The following CYRIB variants were observed in gnomAD, a reference collection of about 807,000 sequenced individuals.
CYRIB encodes CYFIP-related Rac1 interactor B.
In CYRIB, 8 loss-of-function variants were observed where a neutral mutation model predicts 44.2. The observed-to-expected ratio is 0.18, with a 90% confidence interval of 0.11 to 0.33. The LOEUF is 0.33. Among genes scored for constraint, CYRIB ranks in the 10% least tolerant of loss-of-function variants. The probability of loss-of-function intolerance (pLI) is 1.00; values close to 1 mark genes in which losing one functional copy is unlikely to be tolerated. For missense variants in CYRIB, 185 were observed against 382.8 expected (o/e 0.48, Z 4.31); for synonymous variants, 131 against 127.2 (o/e 1.03, Z -0.20).
intron 2 of CYRIB, among the ~76,000 whole-genome samples, chr8:129,964,879 A>G (rs1371159665): frequency 6.6e-6 from 1 of 152,308 alleles, no homozygotes; most frequent in African/African-American, 2.4e-5. Flanking sequence ...AGAAATAAAG[A>G]AAAAGGAAAA....
At chr8:129,983,592 G>C (rs1260611006) in intron 1 of CYRIB, among the ~76,000 whole-genome samples, 1 of 152,278 alleles carries the variant, frequency 6.6e-6, no homozygotes, top group Non-Finnish European at 1.5e-5. Context: ...GTCACCCTGA[G>C]TGTGGCCCCA....
intron 3 of CYRIB, among the ~76,000 whole-genome samples, chr8:129,876,013 C>CTGAG (rs1303164007): frequency 6.6e-6 from 1 of 151,812 alleles, no homozygotes; most frequent in African/African-American, 2.4e-5. Flanking sequence ...ACTCGGGAGG[C>CTGAG]TGAGGTAGGA....
At chr8:129,869,986 G>C (rs559224042) in intron 4 of CYRIB, among the ~76,000 whole-genome samples, 1 of 151,798 alleles carries the variant, frequency 6.6e-6, no homozygotes, top group Admixed American at 6.6e-5. Flanking sequence ...GGTGGGGGGA[G>C]GGGGGGCGTT....
intron 1 of CYRIB, among the ~76,000 whole-genome samples, chr8:129,914,774 C>T (rs2079856176): frequency 6.6e-6 from 1 of 152,168 alleles, no homozygotes; most frequent in African/African-American, 2.4e-5. Context: ...TCTAAGATTG[C>T]TTTGCAAAAT....
intron 3 of CYRIB, among the ~76,000 whole-genome samples, chr8:129,875,286 A>G (rs2058728366): frequency 6.6e-6 from 1 of 151,978 alleles, no homozygotes; most frequent in South Asian, 2.1e-4. Context: ...TTTTTTTCAA[A>G]GACAGTTTCA....
intron 4 of CYRIB, 27 bp from the exon 7 acceptor site, chr8:129,862,361 T>A: frequency 6.5e-7 from 1 of 1,542,064 alleles, no homozygotes; most frequent in East Asian, 2.2e-5. Context: ...ATAAAAATAG[T>A]TAGAGTTAAA....
chr8:129,956,534 T>C (rs2094842490), intron 2 of CYRIB, among the ~76,000 whole-genome samples: 1 of 127,852 alleles, frequency 7.8e-6, no homozygotes, highest in Non-Finnish European at 1.8e-5. Context: ...TCTTTGTGTT[T>C]GCACACACAC....
intron 2 of CYRIB, chr8:129,902,912 G>A (rs1170755111): frequency 6.6e-6 from 1 of 152,024 alleles, no homozygotes; most frequent in Non-Finnish European, 1.5e-5. Flanking sequence ...GTAACAGATA[G>A]AATTCTTAAG....
chr8:130,014,761 C>T (rs1346144662), intron 1 of CYRIB, among the ~76,000 whole-genome samples: 2 of 152,218 alleles, frequency 1.3e-5, no homozygotes, highest in East Asian at 1.9e-4. Context: ...TGCCCTTCTC[C>T]GTGCTGTGAG....
exon 12 of CYRIB, chr8:129,839,733 C>T (rs541572209): frequency 5.3e-5 from 8 of 152,272 alleles, no homozygotes; most frequent in South Asian, 4.1e-4. Flanking sequence ...CAAAAACAGA[C>T]GGTGAGTAAA....
intron 1 of CYRIB, among the ~76,000 whole-genome samples, chr8:129,971,728 C>T (rs1046096661): frequency 6.6e-6 from 1 of 152,186 alleles, no homozygotes; most frequent in Non-Finnish European, 1.5e-5. Context: ...TTAAAACGGT[C>T]TTAGTCATTC....
chr8:129,924,426 C>CA (rs2086179735), intron 1 of CYRIB, among the ~76,000 whole-genome samples: 1 of 150,974 alleles, frequency 6.6e-6, no homozygotes, highest in African/African-American at 2.4e-5. Flanking sequence ...TTATTCACAA[C>CA]AAAATGCCTC....
chr8:129,867,888 T>A (rs928774196), intron 4 of CYRIB, among the ~76,000 whole-genome samples: 6 of 152,186 alleles, frequency 3.9e-5, no homozygotes, highest in Non-Finnish European at 7.4e-5. Flanking sequence ...AGTTTTTTTT[T>A]AAATATACTT....
chr8:129,990,596 C>T (rs911293740), intron 1 of CYRIB, among the ~76,000 whole-genome samples: 16 of 151,786 alleles, frequency 1.1e-4, no homozygotes, highest in Admixed American at 1.1e-3. Flanking sequence ...ATCACAGCTC[C>T]CTGCAGCCTC....
At chr8:129,874,640 A>G (rs116678620) in intron 3 of CYRIB, among the ~76,000 whole-genome samples, 2,565 of 152,242 alleles carry the variant, frequency 0.017, 83 homozygotes, top group African/African-American at 0.058. Context: ...TGAATGAATG[A>G]GAGGGTACAG....
intron 2 of CYRIB, among the ~76,000 whole-genome samples, chr8:129,897,705 T>C: frequency 6.6e-6 from 1 of 150,906 alleles, no homozygotes; most frequent in East Asian, 1.9e-4. Flanking sequence ...GAGGTGGAGG[T>C]GGGAGGATTG....
chr8:129,884,568 G>A (rs751117491), intron 2 of CYRIB, among the ~76,000 whole-genome samples: 13 of 152,134 alleles, frequency 8.5e-5, no homozygotes, highest in African/African-American at 1.2e-4. Flanking sequence ...GATTACAGGC[G>A]TGAGCCACCA....
chr8:129,975,938 A>G (rs1174303495), intron 1 of CYRIB, among the ~76,000 whole-genome samples: 1 of 152,174 alleles, frequency 6.6e-6, no homozygotes, highest in Non-Finnish European at 1.5e-5. Context: ...TGCAGCTGGG[A>G]CTGACAAGCA....
At chr8:129,930,146 G>A (rs1262957416) in intron 1 of CYRIB, among the ~76,000 whole-genome samples, 1 of 151,508 alleles carries the variant, frequency 6.6e-6, no homozygotes, top group Non-Finnish European at 1.5e-5. Context: ...GGGAGGCGGA[G>A]CTTGCAGTGA....
Sources: gnomAD v4.1 joint callset for allele counts (sites outside exome capture counted in the v4.1 genomes callset) on GRCh38, gnomAD v4.1.1 for gene constraint, MANE v1.5 for transcripts, NCBI Gene and HGNC (gene_info 2026-07-23, HGNC 2026-07-21) for gene names.